The following RORC variants were observed in gnomAD, a reference collection of about 807,000 sequenced individuals.
The protein encoded by RORC is RAR related orphan receptor C.
Under a neutral mutation model 64.5 loss-of-function variants are expected in RORC, and 13 were observed. The observed-to-expected ratio is 0.20, with a 90% CI of 0.13 to 0.32. The LOEUF is 0.32. Ranked by LOEUF, RORC falls within the 10% of genes least tolerant of loss-of-function variation. The pLI, the probability that RORC is intolerant of heterozygous loss-of-function variation, is 1.00. For missense variants in RORC, 468 were observed against 669.5 expected (o/e 0.70, Z 3.32); for synonymous variants, 277 against 259.3 (o/e 1.07, Z -0.65).
intron 6 of RORC, chr1:151,813,987 A>G (rs1019152499): frequency 8.8e-6 from 2 of 228,150 alleles, no homozygotes; most frequent in Non-Finnish European, 1.7e-5. Context: ...GTGAAGTGCC[A>G]AACGAGTGTG....
chr1:151,830,269 G>A lies in RORC; in HGVS notation c.41-811C>T, dbSNP rs1237817137. On this transcript the variant is annotated intron_variant, in intron 1 of 10. Transcript: ENST00000318247. This position sits in a 1 kb window ranked among gnomAD's most constrained non-coding sequence, Gnocchi z 4.0. The stretch of plus-strand genomic sequence containing the variant: ...GCCGGGTCTGGGTGGAGATTGGGCA[G>A]TAGGGAGCATGAGTGGGTCGATGGG... Among the ~76,000 whole-genome samples the A allele has an allele frequency of 6.6e-6, 1 of 152,050 alleles. No homozygotes were observed. Among genetic ancestry groups the A allele is most frequent in the African/African-American group, 2.4e-5 (1 of 41,374 alleles).
chr1:151,810,055 C>T (rs773732950), intron 10 of RORC, among the ~76,000 whole-genome samples: 3 of 152,096 alleles, frequency 2.0e-5, no homozygotes, highest in Non-Finnish European at 2.9e-5. Context: ...TGAGGATGTA[C>T]CATGAGTGAT....
At chr1:151,817,659 C>T (rs888518147) in intron 2 of RORC, among the ~76,000 whole-genome samples, 14 of 152,144 alleles carry the variant, frequency 9.2e-5, no homozygotes, top group African/African-American at 2.2e-4. Flanking sequence ...TGCTTCCCGC[C>T]GAAGGGGCTT....
intron 9 of RORC, chr1:151,812,468 G>GT (rs1410589918): frequency 1.9e-5 from 3 of 157,712 alleles, no homozygotes; most frequent in African/African-American, 7.2e-5. Flanking sequence ...ATGGTGTTCA[G>GT]TAAGTTAGGC....
intron 2 of RORC, among the ~76,000 whole-genome samples, chr1:151,822,290 G>A (rs1185138451): frequency 6.6e-6 from 1 of 152,134 alleles, no homozygotes; most frequent in South Asian, 2.1e-4. Flanking sequence ...CCACCACAGG[G>A]GAGCAGGAGC....
intron 10 of RORC, among the ~76,000 whole-genome samples, chr1:151,810,463 AAG>A (rs1323050751): frequency 2.0e-5 from 3 of 152,146 alleles, no homozygotes; most frequent in African/African-American, 7.2e-5. Flanking sequence ...CAGGGATAGA[AAG>A]AGCGCAAAGA....
chr1:151,831,245 C>A lies in RORC; in HGVS notation c.40+480G>T, dbSNP rs1652408228. 5 of 624,378 alleles carry A rather than the reference C, an allele frequency of 8.0e-6. No individual in the cohort carries two copies. In the Admixed American group the frequency reaches 1.1e-4, roughly 13 times the overall value. The allele number at this position is 624,378 out of a possible 1,614,324, so 38.7% of individuals were successfully genotyped here. A position where few individuals can be genotyped will look rare whatever the true frequency, so the allele number is the denominator to read the frequency against. Reference sequence around the variant, plus strand: ...CCCCTGCCACACTCCCCAAGTCTGTCACTCCTTAAAGGACAGGTTTCTCCA... The same window carrying A: ...CCCCTGCCACACTCCCCAAGTCTGTAACTCCTTAAAGGACAGGTTTCTCCA... On this transcript the variant is annotated intron_variant, in intron 1 of 10. Transcript: ENST00000318247.
intron 2 of RORC, among the ~76,000 whole-genome samples, chr1:151,824,808 CAG>C (rs974180438): frequency 1.1e-4 from 17 of 152,298 alleles, no homozygotes; most frequent in African/African-American, 4.1e-4. Flanking sequence ...GATGGTAGAC[CAG>C]GGCCCAGTGA....
At chr1:151,829,696 C>T (rs1652333858) in intron 1 of RORC, among the ~76,000 whole-genome samples, 1 of 152,232 alleles carries the variant, frequency 6.6e-6, no homozygotes, top group African/African-American at 2.4e-5. Flanking sequence ...CTCCCCCAAG[C>T]TGCTCCTTTG....
At chr1:151,817,077 G>A in intron 3 of RORC, 118 bp downstream of exon 3, 1 of 849,992 alleles carries the variant, frequency 1.2e-6, no homozygotes, top group South Asian at 1.6e-5. Context: ...TCAGAACAAA[G>A]GCCATTAACC....
chr1:151,825,958 G>T, intron 2 of RORC: 1 of 1,613,036 alleles, frequency 6.2e-7, no homozygotes. Flanking sequence ...GGCTCTGCCG[G>T]CCTTGGCTCC....
At chr1:151,831,046 G>A in intron 1 of RORC, 2 of 1,289,296 alleles carry the variant, frequency 1.6e-6, no homozygotes, top group Non-Finnish European at 2.0e-6. Context: ...CCTGCTCTGA[G>A]GGGGTTCCTG....
At position 151,829,523 on chromosome 1, in the gene RORC, C is replaced by T. The variant is rs1394761526; in HGVS notation, c.41-65G>A. The T allele has an allele frequency of 2.2e-6, 3 of 1,390,252 alleles. No individual in the cohort carries two copies. In the African/African-American group the frequency reaches 4.5e-5, roughly 21 times the overall value. The allele number at this position is 1,390,252 out of a possible 1,614,324, so 86.1% of individuals were successfully genotyped here. The stretch of plus-strand genomic sequence containing the variant: ...GATCATGAGGGGCTGAGACACTTTC[C>T]CCACTCCTAGGATCCCACTGCCGCA... On this transcript the variant is annotated intron_variant, in intron 1 of 10. Coordinates refer to ENST00000318247, the MANE Select transcript of RORC (RefSeq NM_005060.4).
At chr1:151,816,304 T>C (rs1345292348) in intron 4 of RORC, among the ~76,000 whole-genome samples, 1 of 152,132 alleles carries the variant, frequency 6.6e-6, no homozygotes, top group Non-Finnish European at 1.5e-5. Flanking sequence ...GAAAAGGAGA[T>C]AGAGCTAGAA....
chr1:151,824,568 A>T (rs1248424143), intron 2 of RORC, among the ~76,000 whole-genome samples: 1 of 152,170 alleles, frequency 6.6e-6, no homozygotes, highest in South Asian at 2.1e-4. Flanking sequence ...TATCCACCCC[A>T]GCTCATATGC....
intron 1 of RORC, 137 bp from the exon 2 acceptor site, chr1:151,829,595 C>T (rs1652330984): frequency 1.4e-6 from 1 of 718,786 alleles, no homozygotes; most frequent in East Asian, 3.1e-5. Flanking sequence ...AGGCCACCCC[C>T]TGCAGTGCCC....
chr1:151,807,696 C>T lies in RORC; in HGVS notation c.1396-63G>A, dbSNP rs186290568. 6.4e-7 allele frequency: 1 copy of T among 1,563,064 alleles called. No homozygotes were observed. Among genetic ancestry groups the T allele is most frequent in the East Asian group, 2.3e-5 (1 of 44,424 alleles). On this transcript the variant is annotated intron_variant, in intron 10 of 10. Transcript: ENST00000318247. This position sits in a 1 kb window ranked among gnomAD's most constrained non-coding sequence, Gnocchi z 5.0. Reference sequence around the variant, plus strand: ...TCAGCTCTCCTCAGAGCAAAGAAGTCCGCTCATTCTTCCTGGGCTAGGACA... The same window carrying T: ...TCAGCTCTCCTCAGAGCAAAGAAGTTCGCTCATTCTTCCTGGGCTAGGACA...
chr1:151,812,766 T>A, intron 9 of RORC, 181 bp downstream of exon 9: 1 of 530,954 alleles, frequency 1.9e-6, no homozygotes, highest in Non-Finnish European at 3.4e-6. Flanking sequence ...TGTCCCTCTC[T>A]GAGAGTCCTC....
At chr1:151,817,581 G>A (rs749271035) in intron 2 of RORC, among the ~76,000 whole-genome samples, 3 of 151,996 alleles carry the variant, frequency 2.0e-5, no homozygotes, top group East Asian at 3.9e-4. Flanking sequence ...TCAGCCCTTC[G>A]AGTTGAAAAG....
Sources: gnomAD v4.1 joint callset for allele counts (sites outside exome capture counted in the v4.1 genomes callset) on GRCh38, gnomAD v4.1.1 for gene constraint, Gnocchi (gnomAD v3.1) non-coding constraint, MANE v1.5 for transcripts, NCBI Gene and HGNC (gene_info 2026-07-23, HGNC 2026-07-21) for gene names.